SAMD12: variants seen among roughly 807,000 people sequenced by gnomAD.
The protein encoded by SAMD12 is sterile alpha motif domain-containing protein 12.
SAMD12 carries 9 observed loss-of-function variants against 15.0 expected under a neutral mutation model. The ratio of observed to expected loss-of-function variants is 0.60; its 90% confidence interval spans 0.36 to 1.05. The LOEUF is 1.05. SAMD12 is among the 50% of genes least tolerant of loss of function. The probability of loss-of-function intolerance (pLI) is 0.01; values close to 1 mark genes in which losing one functional copy is unlikely to be tolerated. For synonymous variants in SAMD12, 86 were observed against 90.1 expected (o/e 0.96, Z 0.25); for missense variants, 230 against 234.2 (o/e 0.98, Z 0.12).
the SAMD12 span, among the ~76,000 whole-genome samples, chr8:118,171,949 T>C: frequency 2.3e-4 from 35 of 152,188 alleles, 1 homozygote; most frequent in East Asian, 6.8e-3. Context: ...GTTCATGTCT[T>C]TTGTAGGGTC....
chr8:118,188,862 T>G (rs1819289306), downstream of SAMD12, among the ~76,000 whole-genome samples: 1 of 152,162 alleles, frequency 6.6e-6, no homozygotes, highest in Admixed American at 6.6e-5. Context: ...CACTAGAGGC[T>G]GGCTATGCCA....
At chr8:118,517,072 C>G (rs1825264049) in intron 2 of SAMD12, among the ~76,000 whole-genome samples, 1 of 152,180 alleles carries the variant, frequency 6.6e-6, no homozygotes, top group Non-Finnish European at 1.5e-5. Flanking sequence ...GACTCTTATT[C>G]TCCTTCTAGG....
chr8:118,344,095 A>T (rs1027205676), intron 4 of SAMD12, among the ~76,000 whole-genome samples: 1 of 152,222 alleles, frequency 6.6e-6, no homozygotes, highest in East Asian at 1.9e-4. Flanking sequence ...GCAAACTTCA[A>T]TCCAAACATG....
chr8:118,485,436 C>T (rs922943354), intron 2 of SAMD12, among the ~76,000 whole-genome samples: 4 of 152,166 alleles, frequency 2.6e-5, no homozygotes, highest in African/African-American at 9.6e-5. Flanking sequence ...GAAACAAGAA[C>T]ACAATTTTAC....
At chr8:118,347,272 CA>C (rs1817713923) in intron 4 of SAMD12, among the ~76,000 whole-genome samples, 1 of 152,124 alleles carries the variant, frequency 6.6e-6, no homozygotes, top group Non-Finnish European at 1.5e-5. Context: ...TAGCATGTGC[CA>C]AAATTCTAGG....
intron 2 of SAMD12, among the ~76,000 whole-genome samples, chr8:118,464,027 T>C (rs1823514443): frequency 6.6e-6 from 1 of 152,122 alleles, no homozygotes; most frequent in Admixed American, 6.5e-5. Context: ...GAAAATAATA[T>C]TTTAGAAGCA....
chr8:118,553,911 A>C (rs1238628444), intron 2 of SAMD12, among the ~76,000 whole-genome samples: 4 of 151,642 alleles, frequency 2.6e-5, no homozygotes. Flanking sequence ...ACATTTATGC[A>C]GCCAAAAAAC....
exon 5 of SAMD12, chr8:118,193,294 G>A (rs917351252): frequency 3.0e-4 from 46 of 152,126 alleles, no homozygotes; most frequent in African/African-American, 9.7e-4. Flanking sequence ...TAAGTTTCCC[G>A]CTTTCAAAAG....
the SAMD12 span, among the ~76,000 whole-genome samples, chr8:118,148,240 G>A: frequency 7.9e-5 from 12 of 151,992 alleles, 1 homozygote; most frequent in East Asian, 1.5e-3. Flanking sequence ...AAGCCACTGT[G>A]CCTGGTTGAG....
intron 4 of SAMD12, among the ~76,000 whole-genome samples, chr8:118,266,159 C>T (rs2130086506): frequency 6.6e-6 from 1 of 152,228 alleles, no homozygotes; most frequent in East Asian, 1.9e-4. Flanking sequence ...CTTGTGAGAA[C>T]TCACTCACTA....
intron 3 of SAMD12, among the ~76,000 whole-genome samples, chr8:118,430,065 A>C (rs1423883956): frequency 6.6e-6 from 1 of 152,178 alleles, no homozygotes; most frequent in African/African-American, 2.4e-5. Flanking sequence ...AGTTTTTTAA[A>C]AATTATGGAT....
In SAMD12 at chr8:118,361,142, C is replaced by A. The variant is rs1475152878; in HGVS notation, c.433+18418G>T. 2.0e-5 allele frequency among the ~76,000 whole-genome samples: 3 copies of A among 152,176 alleles called. No individual in the cohort carries two copies. In the East Asian group the frequency reaches 5.8e-4, roughly 29 times the overall value. ...TACTCTCCCTGATTCCAACTCCTGCCTTTGTGAGTCCCCACTATACAATCT... is the reference window on the plus strand; with the variant it reads ...TACTCTCCCTGATTCCAACTCCTGCATTTGTGAGTCCCCACTATACAATCT... On this transcript the variant is annotated intron_variant, in intron 4 of 4. Coordinates refer to the SAMD12 transcript ENST00000409003.
intron 3 of SAMD12, among the ~76,000 whole-genome samples, chr8:118,396,381 G>C (rs1415443719): frequency 6.6e-6 from 1 of 152,172 alleles, no homozygotes; most frequent in Non-Finnish European, 1.5e-5. Context: ...GGTGTACCTT[G>C]TGTAGGCTTC....
chr8:118,208,084 C>A (rs1259303170), intron 4 of SAMD12, among the ~76,000 whole-genome samples: 11 of 151,740 alleles, frequency 7.2e-5, no homozygotes, highest in African/African-American at 2.7e-4. Flanking sequence ...ATGGAGAAAC[C>A]CCGTCTCTAC....
At chr8:118,395,552 G>A (rs115163318) in intron 3 of SAMD12, among the ~76,000 whole-genome samples, 1 of 152,136 alleles carries the variant, frequency 6.6e-6, no homozygotes, top group African/African-American at 2.4e-5. Flanking sequence ...TCATGTACAA[G>A]GTTCTCCAAC....
Position 118,431,579 on chromosome 8 carries a change from G to T in SAMD12, c.322+8253C>A, listed in dbSNP as rs1234689842. Reference sequence around the variant, plus strand: ...CACTCATTTTCTTCTTGCTTAAGAGGTTCTCATTAGAAGTGTCCTGGAATT... The same window carrying T: ...CACTCATTTTCTTCTTGCTTAAGAGTTTCTCATTAGAAGTGTCCTGGAATT... On this transcript the variant is annotated intron_variant, in intron 3 of 3. Coordinates refer to ENST00000314727, the MANE Select transcript of SAMD12 (RefSeq NM_207506.3). 1.3e-5 allele frequency among the ~76,000 whole-genome samples: 2 copies of T among 151,882 alleles called. 1 individual carries two copies. Among genetic ancestry groups the T allele is most frequent in the East Asian group, 3.9e-4 (2 of 5,170 alleles).
chr8:118,134,159 A>T, the SAMD12 span, among the ~76,000 whole-genome samples: 1 of 152,172 alleles, frequency 6.6e-6, no homozygotes, highest in African/African-American at 2.4e-5. Context: ...TTGTAATGAA[A>T]AGGCAAAATC....
At chr8:118,184,731 A>T (rs1819214122), downstream of SAMD12, among the ~76,000 whole-genome samples, 1 of 152,114 alleles carries the variant, frequency 6.6e-6, no homozygotes, top group East Asian at 1.9e-4. Flanking sequence ...TCCTGACCTC[A>T]GGTGATCCAC....
intron 2 of SAMD12, among the ~76,000 whole-genome samples, chr8:118,531,495 T>A (rs191650587): frequency 3.7e-4 from 56 of 152,344 alleles, no homozygotes; most frequent in Admixed American, 3.2e-3. Flanking sequence ...GGGGATGGCA[T>A]TGAATCTATA....
Sources: gnomAD v4.1 joint callset for allele counts (sites outside exome capture counted in the v4.1 genomes callset) on GRCh38, gnomAD v4.1.1 for gene constraint, MANE v1.5 for transcripts, NCBI Gene and HGNC (gene_info 2026-07-23, HGNC 2026-07-21) for gene names.